ATP8A2: variants seen among roughly 807,000 people sequenced by gnomAD.
The protein encoded by ATP8A2 is ATPase phospholipid transporting 8A2, also known as phospholipid-transporting ATPase IB.
ATP8A2 carries 100 observed loss-of-function variants against 165.6 expected under a neutral mutation model. The observed-to-expected ratio is 0.60, with a 90% CI of 0.51 to 0.71. The LOEUF is 0.71. Ranked by LOEUF, ATP8A2 falls within the 30% of genes least tolerant of loss-of-function variation. ATP8A2 has a pLI of 0.00. For synonymous variants in ATP8A2, 543 were observed against 548.8 expected, an observed-to-expected ratio of 0.99 and a Z score of 0.15; for missense variants, 1,227 against 1,479.5, an observed-to-expected ratio of 0.83 and a Z score of 2.80.
intron 25 of ATP8A2, among the ~76,000 whole-genome samples, chr13:25,721,391 G>A (rs2043378353): frequency 6.6e-6 from 1 of 151,984 alleles, no homozygotes; most frequent in South Asian, 2.1e-4. Flanking sequence ...TTTTGCTTTG[G>A]TTGCCTGACT....
chr13:25,821,602 G>A (rs1202631231), intron 27 of ATP8A2, among the ~76,000 whole-genome samples: 2 of 152,122 alleles, frequency 1.3e-5, no homozygotes, highest in African/African-American at 4.8e-5. Flanking sequence ...TTATTATTTT[G>A]TTTGTAACAA....
At chr13:25,769,314 T>TAAAC (rs2044567284) in intron 26 of ATP8A2, 85 bp downstream of exon 26, 2 of 1,319,894 alleles carry the variant, frequency 1.5e-6, no homozygotes, top group Admixed American at 2.3e-5. Flanking sequence ...CTTCAGTGCA[T>TAAAC]CTCCAAACCT....
intron 25 of ATP8A2, among the ~76,000 whole-genome samples, chr13:25,758,103 G>C (rs1023344543): frequency 2.0e-4 from 30 of 152,178 alleles, no homozygotes; most frequent in African/African-American, 7.2e-4. Context: ...ATAGCTACCA[G>C]GTGGAGTCAA....
intron 10 of ATP8A2, 52 bp from the exon 11 acceptor site, chr13:25,551,286 T>A (rs2038813811): frequency 6.5e-7 from 1 of 1,549,136 alleles, no homozygotes; most frequent in African/African-American, 1.4e-5. Context: ...CCCCAACCCC[T>A]TGCCCCAAAT....
intron 16 of ATP8A2, among the ~76,000 whole-genome samples, chr13:25,568,789 A>C (rs1225101917): frequency 6.6e-6 from 1 of 152,170 alleles, no homozygotes; most frequent in Non-Finnish European, 1.5e-5. Context: ...CCACAATACA[A>C]ATTTTTAACA....
chr13:26,014,549 G>A (rs1956923320), intron 36 of ATP8A2, among the ~76,000 whole-genome samples: 1 of 152,042 alleles, frequency 6.6e-6, no homozygotes, highest in Admixed American at 6.6e-5. Flanking sequence ...TTTTCGAGAG[G>A]CCTGTGGGTC....
chr13:25,483,713 C>A (rs111657099), intron 2 of ATP8A2, among the ~76,000 whole-genome samples: 2 of 152,116 alleles, frequency 1.3e-5, no homozygotes, highest in African/African-American at 4.8e-5. Flanking sequence ...CCAGCCTGGG[C>A]AACATAGTGA....
intron 35 of ATP8A2, among the ~76,000 whole-genome samples, chr13:25,999,997 G>C (rs1186247557): frequency 6.6e-6 from 1 of 152,144 alleles, no homozygotes; most frequent in Non-Finnish European, 1.5e-5. Flanking sequence ...TAAAACAAAG[G>C]TCTAGGTAGG....
At chr13:25,671,765 G>A (rs374609408) in intron 24 of ATP8A2, among the ~76,000 whole-genome samples, 41 of 152,206 alleles carry the variant, frequency 2.7e-4, no homozygotes, top group Admixed American at 1.2e-3. Flanking sequence ...ATTTTGCCTC[G>A]GTCCTGTGGT....
intron 35 of ATP8A2, among the ~76,000 whole-genome samples, chr13:25,999,863 G>A (rs1021934469): frequency 6.6e-6 from 1 of 152,142 alleles, no homozygotes; most frequent in African/African-American, 2.4e-5. Context: ...TCGTAGTTCC[G>A]TGGTATATAA....
chr13:25,569,635 T>C (rs77992197), intron 16 of ATP8A2, among the ~76,000 whole-genome samples: 5,824 of 152,264 alleles, frequency 0.038, 135 homozygotes, highest in Non-Finnish European at 0.051. Context: ...AAAGTTTATA[T>C]ATTGGGAGGA....
rs185539066 is a variant in ATP8A2 at position 25,570,156 on chromosome 13, G to A, written c.1474-611G>A. On this transcript the variant is annotated intron_variant, in intron 16 of 36. Transcript: ENST00000381655. Reference sequence around the variant, plus strand: ...AATATTAATGAGCAAGGGATGCACTGCTTTACAGGTGTTGAGAGATTATAA... The same window carrying A: ...AATATTAATGAGCAAGGGATGCACTACTTTACAGGTGTTGAGAGATTATAA... Among the ~76,000 whole-genome samples the A allele has an allele frequency of 1.4e-3, 218 of 152,316 alleles. 1 individual carries two copies. The highest frequency in any genetic ancestry group is 4.5e-3 in the African/African-American group (185 of 41,560).
At chr13:25,449,536 G>T (rs993510486) in intron 1 of ATP8A2, among the ~76,000 whole-genome samples, 10 of 152,200 alleles carry the variant, frequency 6.6e-5, no homozygotes, top group Admixed American at 2.0e-4. Flanking sequence ...TCACTTGTGG[G>T]ATGGAGTGTT....
At chr13:25,751,042 G>A (rs116593189) in intron 25 of ATP8A2, among the ~76,000 whole-genome samples, 2,103 of 152,268 alleles carry the variant, frequency 0.014, 36 homozygotes, top group African/African-American at 0.033. Context: ...GTGGACAAAA[G>A]CTCCATTTTC....
intron 1 of ATP8A2, among the ~76,000 whole-genome samples, chr13:25,416,003 T>A (rs9581337): frequency 0.049 from 7,501 of 152,238 alleles, 606 homozygotes; most frequent in African/African-American, 0.17. Context: ...ATTTTTAAAA[T>A]TTTTTGTAGA....
intron 24 of ATP8A2, among the ~76,000 whole-genome samples, chr13:25,641,010 A>G (rs1325088351): frequency 1.3e-5 from 2 of 152,248 alleles, no homozygotes; most frequent in Admixed American, 6.5e-5. Flanking sequence ...AAACCACATG[A>G]TGATCTCAAT....
intron 33 of ATP8A2, among the ~76,000 whole-genome samples, chr13:25,946,959 G>C (rs1488366574): frequency 1.3e-5 from 2 of 152,154 alleles, no homozygotes; most frequent in Admixed American, 6.5e-5. Flanking sequence ...TGCTTGCCAG[G>C]CTGGTCTTGA....
chr13:25,623,190 C>T (rs1347370279), intron 24 of ATP8A2, among the ~76,000 whole-genome samples: 1 of 152,100 alleles, frequency 6.6e-6, no homozygotes, highest in African/African-American at 2.4e-5. Context: ...TCAAGACCAC[C>T]TGGGCAACAT....
At chr13:25,848,379 A>G (rs780186564) in intron 30 of ATP8A2, among the ~76,000 whole-genome samples, 24 of 152,198 alleles carry the variant, frequency 1.6e-4, no homozygotes, top group Non-Finnish European at 3.4e-4. Context: ...AGTTCTGCCC[A>G]TATCTGATTG....
Sources: allele counts gnomAD v4.1 joint callset (sites outside exome capture counted in the v4.1 genomes callset), GRCh38; gene constraint gnomAD v4.1.1; transcripts MANE v1.5; gene names NCBI Gene and HGNC (gene_info 2026-07-23, HGNC 2026-07-21).